TFEC: variants seen among roughly 807,000 people sequenced by gnomAD.
TFEC encodes transcription factor EC.
In TFEC, 31 loss-of-function variants were observed where a neutral mutation model predicts 41.6. The observed-to-expected ratio is 0.74, with a 90% CI of 0.56 to 1.01. The LOEUF is 1.01. TFEC is among the 50% of genes least tolerant of loss of function. The pLI is 0.00. For missense variants in TFEC, 402 were observed against 404.1 expected (o/e 0.99, Z 0.04); for synonymous variants, 143 against 140.6 (o/e 1.02, Z -0.12).
At chr7:115,966,138 T>G (rs889339751) in intron 3 of TFEC, among the ~76,000 whole-genome samples, 1 of 151,732 alleles carries the variant, frequency 6.6e-6, no homozygotes, top group Non-Finnish European at 1.5e-5. Context: ...AACTCATGTA[T>G]TAAGCCCAAA....
intron 3 of TFEC, among the ~76,000 whole-genome samples, chr7:116,057,508 T>C (rs527592934): frequency 5.3e-5 from 8 of 151,994 alleles, no homozygotes; most frequent in African/African-American, 1.9e-4. Context: ...ACCCATACTA[T>C]AAGAAATGTT....
In TFEC at chr7:115,937,385, G is replaced by A. The variant is rs1286571290; in HGVS notation, c.*3166C>T. 6.6e-6 allele frequency: 1 copy of A among 151,548 alleles called. No homozygotes were observed. Among genetic ancestry groups the A allele is most frequent in the Non-Finnish European group, 1.5e-5 (1 of 67,672 alleles). 9.4% of individuals were successfully genotyped at this position (151,548 alleles called of 1,614,324 possible). Reference sequence around the variant, plus strand: ...TACTATTATGAAAAATCTCATTTCTGCAAGAAATATTCTAGAGAGTCAAAT... The same window carrying A: ...TACTATTATGAAAAATCTCATTTCTACAAGAAATATTCTAGAGAGTCAAAT... On this transcript the variant is annotated 3_prime_UTR_variant, in exon 8 of 8. Coordinates refer to ENST00000265440, the MANE Select transcript of TFEC (RefSeq NM_012252.4).
intron 3 of TFEC, among the ~76,000 whole-genome samples, chr7:116,098,886 G>T (rs1016275093): frequency 7.1e-6 from 1 of 141,320 alleles, no homozygotes; most frequent in South Asian, 2.2e-4. Context: ...AAGGAAGGAA[G>T]GAAGGAAGGA....
intron 3 of TFEC, among the ~76,000 whole-genome samples, chr7:116,084,429 TA>T (rs1797157422): frequency 6.6e-6 from 1 of 151,900 alleles, no homozygotes; most frequent in African/African-American, 2.4e-5. Flanking sequence ...AGACTTACAA[TA>T]CTAAATTATT....
chr7:116,056,811 C>A (rs1218486287), intron 3 of TFEC, among the ~76,000 whole-genome samples: 1 of 151,834 alleles, frequency 6.6e-6, no homozygotes, highest in African/African-American at 2.4e-5. Context: ...AATGATCAGG[C>A]ATACAAAGAA....
chr7:116,114,974 C>T (rs1265624095), intron 1 of TFEC, among the ~76,000 whole-genome samples: 1 of 151,988 alleles, frequency 6.6e-6, no homozygotes, highest in East Asian at 1.9e-4. Flanking sequence ...AAAAATCTCC[C>T]CACACACTGA....
chr7:115,949,061 A>G, intron 6 of TFEC, among the ~76,000 whole-genome samples: 1 of 152,208 alleles, frequency 6.6e-6, no homozygotes, highest in Non-Finnish European at 1.5e-5. Flanking sequence ...AATAACAGAC[A>G]AACGGAGAGC....
chr7:116,112,047 A>G, intron 1 of TFEC: 1 of 964,008 alleles, frequency 1.0e-6, no homozygotes, highest in Non-Finnish European at 1.2e-6. Context: ...CTCTGAAAAG[A>G]AAAAAAAAGA....
chr7:116,002,689 A>G (rs1252802844), intron 1 of TFEC, among the ~76,000 whole-genome samples: 1 of 152,182 alleles, frequency 6.6e-6, no homozygotes, highest in Non-Finnish European at 1.5e-5. Flanking sequence ...ATTGTTTGTA[A>G]CACAAGGATA....
At chr7:116,102,954 A>G (rs1032961579) in intron 3 of TFEC, among the ~76,000 whole-genome samples, 2 of 152,204 alleles carry the variant, frequency 1.3e-5, no homozygotes, top group Non-Finnish European at 2.9e-5. Flanking sequence ...AGAAATCCAG[A>G]AACAGTTTTA....
chr7:116,152,019 C>A (rs1259863550), intron 1 of TFEC, among the ~76,000 whole-genome samples: 2 of 152,070 alleles, frequency 1.3e-5, no homozygotes, highest in Non-Finnish European at 2.9e-5. Context: ...TAAACCCTTT[C>A]TTATTGAGGG....
intron 1 of TFEC, among the ~76,000 whole-genome samples, chr7:115,993,280 C>T (rs1044660998): frequency 1.3e-5 from 2 of 152,124 alleles, no homozygotes; most frequent in African/African-American, 2.4e-5. Flanking sequence ...AGAAGCATTC[C>T]CTTTGAAAAC....
intron 1 of TFEC, among the ~76,000 whole-genome samples, chr7:116,112,673 T>C (rs1797883101): frequency 1.3e-5 from 2 of 151,848 alleles, no homozygotes; most frequent in Admixed American, 1.3e-4. Context: ...GCAATGGATA[T>C]ATGTATAGAA....
At chr7:116,007,186 G>A (rs1794831835) in intron 1 of TFEC, among the ~76,000 whole-genome samples, 1 of 151,856 alleles carries the variant, frequency 6.6e-6, no homozygotes, top group African/African-American at 2.4e-5. Flanking sequence ...TCTGACTACT[G>A]AGAGAACTGA....
At chr7:116,137,217 GTTTTT>G (rs1225320563) in intron 1 of TFEC, among the ~76,000 whole-genome samples, 2 of 151,916 alleles carry the variant, frequency 1.3e-5, no homozygotes, top group Non-Finnish European at 2.9e-5. Flanking sequence ...TCATCATGTT[GTTTTT>G]GTCTTTTAAA....
intron 1 of TFEC, among the ~76,000 whole-genome samples, chr7:116,023,531 G>A (rs941008129): frequency 4.6e-5 from 7 of 152,120 alleles, no homozygotes; most frequent in African/African-American, 1.7e-4. Flanking sequence ...TAAAGACTCT[G>A]AAGGAGCATG....
chr7:116,086,974 G>A (rs893886190), intron 3 of TFEC, among the ~76,000 whole-genome samples: 1 of 151,824 alleles, frequency 6.6e-6, no homozygotes, highest in Non-Finnish European at 1.5e-5. Context: ...CATCATTAGC[G>A]CAGCAGCACA....
intron 1 of TFEC, among the ~76,000 whole-genome samples, chr7:116,011,225 A>T (rs1272025002): frequency 6.6e-6 from 1 of 152,142 alleles, no homozygotes; most frequent in Non-Finnish European, 1.5e-5. Flanking sequence ...AATATTGATA[A>T]CTCCAAAACA....
intron 2 of TFEC, among the ~76,000 whole-genome samples, chr7:115,979,366 C>G (rs573798278): frequency 2.0e-5 from 3 of 152,062 alleles, no homozygotes; most frequent in Non-Finnish European, 4.4e-5. Flanking sequence ...CTCTATTCTG[C>G]GCTCATGCTA....
Sources: allele counts gnomAD v4.1 joint callset (sites outside exome capture counted in the v4.1 genomes callset), GRCh38; gene constraint gnomAD v4.1.1; transcripts MANE v1.5; gene names NCBI Gene and HGNC (gene_info 2026-07-23, HGNC 2026-07-21).